Variants in PSMA3 observed in about 807,000 individuals in gnomAD.
PSMA3 encodes the protein proteasome subunit alpha type-3.
A neutral mutation model predicts 40.0 loss-of-function variants in PSMA3; 8 were observed. That is an observed-to-expected ratio of 0.20 (90% confidence interval 0.12 to 0.36). The LOEUF is 0.36. PSMA3 is among the 10% of genes least tolerant of loss of function. The probability of loss-of-function intolerance (pLI) is 1.00; values close to 1 mark genes in which losing one functional copy is unlikely to be tolerated. For missense variants in PSMA3, 219 were observed against 310.6 expected (o/e 0.70, Z 2.22); for synonymous variants, 110 against 100.0 (o/e 1.10, Z -0.59).
In PSMA3 at chr14:58,271,904, C is replaced by T; in HGVS notation, c.*9C>T. On this transcript the variant is annotated 3_prime_UTR_variant, in exon 11 of 11. Transcript: ENST00000216455. ...ATGATGATAATATGTAACATTTACT[C>T]CAGCATCTATTGTATTTTAAATTTC... is the stretch of plus-strand genomic sequence containing the variant. The T allele has an allele frequency of 6.4e-7, 1 of 1,562,988 alleles. No individual in the cohort carries two copies. Among genetic ancestry groups the T allele is most frequent in the Non-Finnish European group, 8.8e-7 (1 of 1,134,324 alleles).
intron 2 of PSMA3, 33 bp from the exon 3 acceptor site, chr14:58,252,086 G>T: frequency 6.4e-7 from 1 of 1,558,774 alleles, no homozygotes; most frequent in Non-Finnish European, 8.6e-7. Flanking sequence ...TTTATTTTCA[G>T]TTAAAAAACT....
At chr14:58,261,990 G>A (rs1414516095) in intron 6 of PSMA3, among the ~76,000 whole-genome samples, 1 of 151,546 alleles carries the variant, frequency 6.6e-6, no homozygotes, top group Non-Finnish European at 1.5e-5. Flanking sequence ...GCAGTGGCTC[G>A]ATCTTGGTTC....
At chr14:58,271,327 CTTTTTTTT>C (rs60528514) in intron 10 of PSMA3, among the ~76,000 whole-genome samples, 1 of 102,396 alleles carries the variant, frequency 9.8e-6, no homozygotes, top group Non-Finnish European at 1.9e-5. Flanking sequence ...AATATTTGTT[CTTTTTTTT>C]TTTTTTTTTT....
At chr14:58,247,473 T>C (rs1162789221) in intron 1 of PSMA3, among the ~76,000 whole-genome samples, 1 of 152,240 alleles carries the variant, frequency 6.6e-6, no homozygotes, top group African/African-American at 2.4e-5. Flanking sequence ...CTGCCCCATA[T>C]TAATCTTTTT....
At chr14:58,264,222 T>C (rs942252226) in intron 7 of PSMA3, among the ~76,000 whole-genome samples, 8 of 152,240 alleles carry the variant, frequency 5.3e-5, no homozygotes, top group African/African-American at 1.9e-4. Flanking sequence ...AGCTCTAGTT[T>C]GAAAATTTTG....
At chr14:58,245,535 A>G (rs1311949933) in intron 1 of PSMA3, 2 of 152,576 alleles carry the variant, frequency 1.3e-5, no homozygotes, top group Non-Finnish European at 2.9e-5. Context: ...ATTACCTAAC[A>G]GCGCTTGTAG....
At chr14:58,264,050 G>T (rs1013474595) in intron 7 of PSMA3, among the ~76,000 whole-genome samples, 3 of 152,186 alleles carry the variant, frequency 2.0e-5, no homozygotes, top group African/African-American at 7.2e-5. Context: ...TTATGAAGCT[G>T]CTAAGTCACT....
At chr14:58,256,483 C>T (rs1224049208) in intron 3 of PSMA3, among the ~76,000 whole-genome samples, 1 of 148,184 alleles carries the variant, frequency 6.7e-6, no homozygotes. Context: ...GGCGCGATCT[C>T]GGCTCACTGC....
intron 5 of PSMA3, chr14:58,258,250 C>T: frequency 2.6e-6 from 1 of 391,566 alleles, no homozygotes; most frequent in Non-Finnish European, 4.7e-6. Flanking sequence ...CCAGCCTGGC[C>T]AACGCAGTGA....
intron 6 of PSMA3, among the ~76,000 whole-genome samples, chr14:58,262,015 C>T (rs565190528): frequency 3.3e-5 from 5 of 152,182 alleles, no homozygotes; most frequent in African/African-American, 1.2e-4. Context: ...CAACCTCTTC[C>T]GCCTCCTAGG....
At chr14:58,253,305 G>T (rs1890055776) in intron 3 of PSMA3, among the ~76,000 whole-genome samples, 1 of 151,998 alleles carries the variant, frequency 6.6e-6, no homozygotes, top group Non-Finnish European at 1.5e-5. Context: ...CATTTTCACA[G>T]GTGAAAAAAC....
intron 7 of PSMA3, chr14:58,265,553 G>C (rs1356057659): frequency 6.6e-6 from 1 of 152,174 alleles, no homozygotes; most frequent in Non-Finnish European, 1.5e-5. Context: ...ACAGGGAACA[G>C]AAACCAGAGC....
intron 6 of PSMA3, among the ~76,000 whole-genome samples, chr14:58,261,797 A>G (rs879494465): frequency 2.0e-5 from 3 of 152,006 alleles, no homozygotes; most frequent in Non-Finnish European, 4.4e-5. Flanking sequence ...TTTGGTGTCT[A>G]TAGAGACAAG....
chr14:58,253,650 A>G (rs541041567), intron 3 of PSMA3, among the ~76,000 whole-genome samples: 1 of 151,900 alleles, frequency 6.6e-6, no homozygotes, highest in Admixed American at 6.6e-5. Context: ...AAGGAGTGCA[A>G]TGGCGCGATC....
chr14:58,268,802 A>G (rs1594834098), intron 8 of PSMA3: 1 of 152,234 alleles, frequency 6.6e-6, no homozygotes, highest in Non-Finnish European at 1.5e-5. Flanking sequence ...GCAGCATGTT[A>G]TCTTTTACTT....
intron 3 of PSMA3, 138 bp downstream of exon 3, chr14:58,252,380 G>C: frequency 6.9e-6 from 8 of 1,159,496 alleles, no homozygotes; most frequent in Non-Finnish European, 9.4e-6. Context: ...CCAGTAGAAA[G>C]GCAGCATTCT....
chr14:58,271,048 A>T lies in PSMA3; in HGVS notation c.723+50A>T, dbSNP rs8005100. The T allele has an allele frequency of 0.71, 985,906 of 1,388,616 alleles. 354,959 individuals carry two copies. Among genetic ancestry groups the T allele is most frequent in the Middle Eastern group, 0.85 (4,135 of 4,866 alleles). 86.0% of individuals were successfully genotyped at this position (1,388,616 alleles called of 1,614,324 possible). On this transcript the variant is annotated intron_variant, in intron 10 of 10. Transcript: ENST00000216455. ...CTTGGCCAGGTACAGTCAGGGAATCACTTAGCCCAGGAGTTTGAGACCAGC... is the reference window on the plus strand; with the variant it reads ...CTTGGCCAGGTACAGTCAGGGAATCTCTTAGCCCAGGAGTTTGAGACCAGC...
chr14:58,258,983 G>C (rs1387335469), intron 5 of PSMA3, among the ~76,000 whole-genome samples: 1 of 152,196 alleles, frequency 6.6e-6, no homozygotes, highest in Non-Finnish European at 1.5e-5. Context: ...CTGAGCTGGA[G>C]TGCAGTGGTG....
chr14:58,261,081 A>C, intron 6 of PSMA3, 61 bp downstream of exon 6: 1 of 1,139,852 alleles, frequency 8.8e-7, no homozygotes, highest in Non-Finnish European at 1.3e-6. Context: ...ATTAGCATTT[A>C]AGTCTCATTA....
Sources: allele counts gnomAD v4.1 joint callset (sites outside exome capture counted in the v4.1 genomes callset), GRCh38; gene constraint gnomAD v4.1.1; transcripts MANE v1.5; gene names NCBI Gene and HGNC (gene_info 2026-07-23, HGNC 2026-07-21).